Variants in NME9 observed in about 807,000 individuals in gnomAD.
The protein encoded by NME9 is thioredoxin domain-containing protein 6.
In NME9, 48 loss-of-function variants were observed where a neutral mutation model predicts 44.4. The observed-to-expected ratio is 1.08, with a 90% CI of 0.86 to 1.37. NME9 has a LOEUF of 1.37. Ranked by LOEUF, NME9 falls within the 40% of genes most tolerant of loss-of-function variation. NME9 has a pLI of 0.00. For missense variants in NME9, 325 were observed against 405.2 expected, an observed-to-expected ratio of 0.80 and a Z score of 1.70; for synonymous variants, 139 against 147.1, an observed-to-expected ratio of 0.94 and a Z score of 0.40.
intron 8 of NME9, among the ~76,000 whole-genome samples, chr3:138,269,782 A>T (rs866561628): frequency 1.6e-4 from 25 of 151,992 alleles, no homozygotes; most frequent in African/African-American, 5.1e-4. Flanking sequence ...CTACAAGGAT[A>T]AAAGGAAATG....
Position 138,329,548 on chromosome 3 carries a change from A to G in NME9, c.-213T>C, listed in dbSNP as rs2053996410. ...CACCCCGCGAGGAAGCGGAGCCTGC[A>G]GTCCACGGGCTCGTGGCTCGCCGGG... On this transcript the variant is annotated 5_prime_UTR_variant, in exon 1 of 11. Transcript: ENST00000333911. 1.5e-6 allele frequency: 2 copies of G among 1,352,846 alleles called. No individual in the cohort carries two copies. The highest frequency in any genetic ancestry group is 7.3e-5 in the Admixed American group (2 of 27,234). 83.8% of individuals were successfully genotyped at this position (1,352,846 alleles called of 1,614,324 possible).
intron 8 of NME9, chr3:138,263,833 A>C: frequency 1.9e-6 from 3 of 1,611,632 alleles, no homozygotes; most frequent in South Asian, 2.2e-5. Flanking sequence ...TATGAGCTTT[A>C]AATGGTCTGA....
chr3:138,318,114 C>A, intron 4 of NME9, 34 bp downstream of exon 4: 2 of 1,302,332 alleles, frequency 1.5e-6, no homozygotes, highest in Non-Finnish European at 1.1e-6. Context: ...GATTTGCAAT[C>A]GTCAAATAGT....
At chr3:138,319,410 C>T (rs2053316500) in intron 3 of NME9, 68 bp downstream of exon 3, 2 of 919,446 alleles carry the variant, frequency 2.2e-6, no homozygotes, top group African/African-American at 1.6e-5. Context: ...CTTCTCCTTC[C>T]TGACTCTTTT....
chr3:138,325,763 G>A (rs1384217352), intron 1 of NME9, among the ~76,000 whole-genome samples: 1 of 150,228 alleles, frequency 6.7e-6, no homozygotes, highest in East Asian at 2.0e-4. Context: ...CAAACTTAGA[G>A]AAAGTGTGCA....
chr3:138,321,268 A>G (rs2053445965), intron 2 of NME9, among the ~76,000 whole-genome samples: 1 of 152,244 alleles, frequency 6.6e-6, no homozygotes, highest in Admixed American at 6.5e-5. Flanking sequence ...AAACTTATTT[A>G]TCACAGTTCT....
intron 8 of NME9, among the ~76,000 whole-genome samples, chr3:138,290,018 A>AC (rs1188031369): frequency 6.6e-6 from 1 of 152,182 alleles, no homozygotes; most frequent in Non-Finnish European, 1.5e-5. Context: ...AGACAAAGCC[A>AC]CCCTCAAGGA....
Position 138,301,368 on chromosome 3 carries a change from T to C in NME9, c.*272A>G, listed in dbSNP as rs1457609644. ...ACAGGTGCACACCACCACGCCCGGC[T>C]AATTTTTTGTATTTTTAGTAGAGAC... On this transcript the variant is annotated 3_prime_UTR_variant, in exon 11 of 11. Coordinates refer to ENST00000333911, the MANE Select transcript of NME9 (RefSeq NM_001349018.2). 1.6e-5 allele frequency: 8 copies of C among 510,876 alleles called. No individual in the cohort carries two copies. The highest frequency in any genetic ancestry group is 2.4e-5 in the Non-Finnish European group (8 of 339,112). The allele number at this position is 510,876 out of a possible 1,614,324, so 31.6% of individuals were successfully genotyped here.
At chr3:138,310,403 C>G (rs533019917) in intron 6 of NME9, among the ~76,000 whole-genome samples, 177 of 151,290 alleles carry the variant, frequency 1.2e-3, no homozygotes, top group Admixed American at 2.3e-3. Flanking sequence ...AAACTGCATA[C>G]TAGACCAAAC....
At chr3:138,304,275 CA>C (rs2052067440) in intron 9 of NME9, among the ~76,000 whole-genome samples, 1 of 152,230 alleles carries the variant, frequency 6.6e-6, no homozygotes, top group Admixed American at 6.5e-5. Flanking sequence ...AGTACAACTG[CA>C]GTTCCTTGGC....
downstream of NME9, chr3:138,297,902 A>ACAATCTTGAACC (rs1212011756): frequency 6.6e-6 from 1 of 152,364 alleles, no homozygotes; most frequent in African/African-American, 2.4e-5. Flanking sequence ...AATTGCTGAG[A>ACAATCTTGAACC]CAATCTTGAA....
At chr3:138,295,750 C>A in intron 8 of NME9, 1 of 1,287,234 alleles carries the variant, frequency 7.8e-7, no homozygotes, top group Non-Finnish European at 1.1e-6. Context: ...CCAATTCCCT[C>A]TGGAGATTTA....
chr3:138,264,332 G>GT, intron 8 of NME9: 1 of 636,682 alleles, frequency 1.6e-6, no homozygotes. Context: ...CATTTTGAAC[G>GT]TTTATCTCCT....
intron 8 of NME9, chr3:138,263,422 T>C (rs1341432235): frequency 1.5e-5 from 4 of 274,874 alleles, no homozygotes; most frequent in Non-Finnish European, 2.1e-5. Context: ...ATTTATTTCT[T>C]TTCCTTTTTC....
At chr3:138,281,320 G>A (rs1178336698) in intron 8 of NME9, among the ~76,000 whole-genome samples, 1 of 150,368 alleles carries the variant, frequency 6.7e-6, no homozygotes, top group African/African-American at 2.5e-5. Flanking sequence ...TTGATAGAGA[G>A]TCTCACTCTG....
intron 8 of NME9, chr3:138,274,592 A>G (rs753792118): frequency 7.1e-7 from 1 of 1,411,628 alleles, no homozygotes; most frequent in Non-Finnish European, 1.0e-6. Flanking sequence ...TGTGAGCACA[A>G]AGGAAGTTCT....
chr3:138,307,356 C>T (rs2052349148), intron 6 of NME9, among the ~76,000 whole-genome samples: 2 of 152,190 alleles, frequency 1.3e-5, no homozygotes, highest in Admixed American at 6.5e-5. Flanking sequence ...CATTGTCCTC[C>T]TGCTTATATT....
At chr3:138,305,178 C>T in intron 8 of NME9, 151 bp from the exon 9 acceptor site, 2 of 675,170 alleles carry the variant, frequency 3.0e-6, no homozygotes, top group Admixed American at 2.7e-5. Flanking sequence ...CCACTGCACC[C>T]TGTCTCTGCC....
chr3:138,318,047 A>G lies in NME9; in HGVS notation c.267+101T>C, dbSNP rs2053207195. 4 of 798,792 alleles carry G rather than the reference A, an allele frequency of 5.0e-6. No homozygotes were observed. In the South Asian group the frequency reaches 5.7e-5, roughly 11 times the overall value. The allele number at this position is 798,792 out of a possible 1,614,324, so 49.5% of individuals were successfully genotyped here. A position where few individuals can be genotyped will look rare whatever the true frequency, so the allele number is the denominator to read the frequency against. The stretch of plus-strand genomic sequence containing the variant: ...TCTGTGAGGCCTCTTGGTGGTTCCC[A>G]TTAATTCTCCAAGAGTGAATTAATG... On this transcript the variant is annotated intron_variant, in intron 4 of 10. Transcript: ENST00000333911.
Sources: gnomAD v4.1 joint callset for allele counts (sites outside exome capture counted in the v4.1 genomes callset) on GRCh38, gnomAD v4.1.1 for gene constraint, MANE v1.5 for transcripts, NCBI Gene and HGNC (gene_info 2026-07-23, HGNC 2026-07-21) for gene names.